Variants in NEXMIF observed in about 807,000 individuals in gnomAD.
NEXMIF encodes the protein XLMR protein related to neurite extension.
A neutral mutation model predicts 62.1 loss-of-function variants in NEXMIF; 8 were observed. The observed-to-expected ratio is 0.13, with a 90% CI of 0.08 to 0.23. NEXMIF has a LOEUF of 0.23. Among genes scored for constraint, NEXMIF ranks in the 10% least tolerant of loss-of-function variants. The probability of loss-of-function intolerance (pLI) is 1.00; values close to 1 mark genes in which losing one functional copy is unlikely to be tolerated. For synonymous variants in NEXMIF, 404 were observed against 416.6 expected (o/e 0.97, Z 0.37); for missense variants, 976 against 1,113.3 (o/e 0.88, Z 1.75).
chrX:74,747,903 C>T (rs2080130696), intron 1 of NEXMIF, among the ~76,000 whole-genome samples: 1 of 112,384 alleles, frequency 8.9e-6, no homozygotes, highest in South Asian at 3.7e-4. Flanking sequence ...GCATGAGCAA[C>T]TGTGTCTAGC....
intron 1 of NEXMIF, among the ~76,000 whole-genome samples, chrX:74,829,788 T>C (rs995970296): frequency 4.5e-5 from 5 of 111,976 alleles, no homozygotes; most frequent in African/African-American, 1.6e-4. Flanking sequence ...CCTTTGATCA[T>C]CTCTGATGAT....
chrX:74,904,557 T>C (rs1003616089), intron 1 of NEXMIF, among the ~76,000 whole-genome samples: 7 of 111,911 alleles, frequency 6.3e-5, no homozygotes, highest in Non-Finnish European at 1.3e-4. Flanking sequence ...ACAAAAGTTG[T>C]ACAAGAAAAA....
At chrX:74,815,370 C>A (rs1414643955) in intron 1 of NEXMIF, among the ~76,000 whole-genome samples, 1 of 111,324 alleles carries the variant, frequency 9.0e-6, no homozygotes, top group Non-Finnish European at 1.9e-5. Flanking sequence ...CAAGTCTTAT[C>A]TCTCTTGCAT....
chrX:74,787,225 G>C (rs2080263720), intron 1 of NEXMIF, among the ~76,000 whole-genome samples: 1 of 108,124 alleles, frequency 9.2e-6, no homozygotes, highest in African/African-American at 3.4e-5. Flanking sequence ...GGAGGTTGTG[G>C]TGAGCCAAGA....
At chrX:74,752,847 C>T (rs922224263) in intron 1 of NEXMIF, among the ~76,000 whole-genome samples, 6 of 111,802 alleles carry the variant, frequency 5.4e-5, no homozygotes, top group Non-Finnish European at 1.1e-4. Context: ...GAAAGAGTGA[C>T]AGAAGAGTAT....
chrX:74,752,767 T>C (rs1185049554), intron 1 of NEXMIF, among the ~76,000 whole-genome samples: 2 of 111,896 alleles, frequency 1.8e-5, no homozygotes, highest in Non-Finnish European at 3.8e-5. Context: ...CTGACACATC[T>C]GAGTCCCTTT....
chrX:74,918,786 T>C (rs2080816332), intron 1 of NEXMIF, among the ~76,000 whole-genome samples: 1 of 112,292 alleles, frequency 8.9e-6, no homozygotes. Flanking sequence ...TTTTTTTTCT[T>C]GTCTGCATTA....
intron 1 of NEXMIF, among the ~76,000 whole-genome samples, chrX:74,918,892 G>A (rs5981710): frequency 1.3e-3 from 150 of 112,283 alleles, no homozygotes; most frequent in African/African-American, 4.4e-3. Context: ...GATACTGGGA[G>A]GAATGAGAGG....
At chrX:74,881,778 A>T (rs1463564648) in intron 1 of NEXMIF, among the ~76,000 whole-genome samples, 1 of 100,453 alleles carries the variant, frequency 1.0e-5, no homozygotes, top group Non-Finnish European at 1.9e-5. Flanking sequence ...AAATTGCCAC[A>T]TTACAAAAAT....
intron 1 of NEXMIF, among the ~76,000 whole-genome samples, chrX:74,808,082 G>A (rs2080350285): frequency 9.0e-6 from 1 of 111,337 alleles, no homozygotes; most frequent in African/African-American, 3.3e-5. Flanking sequence ...TATTTCAAAT[G>A]TTGAACCAGC....
intron 1 of NEXMIF, among the ~76,000 whole-genome samples, chrX:74,897,058 C>T (rs1276305174): frequency 9.0e-6 from 1 of 110,792 alleles, no homozygotes; most frequent in Non-Finnish European, 1.9e-5. Context: ...TCAGACTTAC[C>T]TTTCATATCT....
chrX:74,799,652 A>G (rs2080323072), intron 1 of NEXMIF, among the ~76,000 whole-genome samples: 1 of 110,954 alleles, frequency 9.0e-6, no homozygotes, highest in African/African-American at 3.3e-5. Context: ...CTTTTTGGAG[A>G]CAGGGTCTTG....
intron 1 of NEXMIF, among the ~76,000 whole-genome samples, chrX:74,838,764 A>T (rs2080465006): frequency 8.9e-6 from 1 of 112,087 alleles, no homozygotes; most frequent in Non-Finnish European, 1.9e-5. Context: ...TACCATCCCC[A>T]GTTATAAGGA....
Position 74,833,015 on chromosome X carries a change from AGTT to A in NEXMIF, c.-47-87321_-47-87319del, listed in dbSNP as rs2080443470. The stretch of plus-strand genomic sequence containing the variant: ...ATTTTAATTTTTTGAATGCTTTAAG[AGTT>A]GTTTTGTGACCTAACATATGGTCTA... On this transcript the variant is annotated intron_variant, in intron 1 of 3. Coordinates refer to ENST00000055682, the MANE Select transcript of NEXMIF (RefSeq NM_001008537.3). Among the ~76,000 whole-genome samples the A allele has an allele frequency of 2.7e-5, 3 of 112,180 alleles. No individual in the cohort carries two copies. In the Admixed American group the frequency reaches 2.8e-4, roughly 11 times the overall value.
At chrX:74,827,155 C>T (rs2080421124) in intron 1 of NEXMIF, among the ~76,000 whole-genome samples, 1 of 112,491 alleles carries the variant, frequency 8.9e-6, no homozygotes. Context: ...CCTAAATGAC[C>T]CCCAAGCCTG....
At chrX:74,803,343 G>T (rs957271551) in intron 1 of NEXMIF, among the ~76,000 whole-genome samples, 3 of 111,614 alleles carry the variant, frequency 2.7e-5, no homozygotes, top group African/African-American at 9.8e-5. Flanking sequence ...GAGGTTAGGA[G>T]ATCGAGACCA....
At position 74,750,093 on chromosome X, in the gene NEXMIF, G is replaced by A. The variant is rs191730318; in HGVS notation, c.-47-4396C>T. 4.7e-3 allele frequency among the ~76,000 whole-genome samples: 525 copies of A among 111,346 alleles called. 4 individuals carry two copies. Among genetic ancestry groups the A allele is most frequent in the African/African-American group, 0.016 (501 of 30,615 alleles). ...ACCAGTGAAAGTGGGAGAGACAGAG[G>A]GGGGGAAGATAGGAAAAAATGTTCA... On this transcript the variant is annotated intron_variant, in intron 1 of 3. Transcript: ENST00000055682.
intron 1 of NEXMIF, among the ~76,000 whole-genome samples, chrX:74,883,358 A>T (rs6647558): frequency 0.14 from 16,037 of 110,766 alleles, 1,779 homozygotes; most frequent in East Asian, 0.9. Flanking sequence ...GAGCTAAAGA[A>T]GGAAGTTCGA....
At position 74,794,148 on chromosome X, in the gene NEXMIF, G is replaced by T. The variant is rs2080296777; in HGVS notation, c.-47-48451C>A. The stretch of plus-strand genomic sequence containing the variant: ...TTTGATGATGGTGATGTACAGATGG[G>T]TTTTTGGTTTGGATGTCCTTTCTGT... On this transcript the variant is annotated intron_variant, in intron 1 of 3. Transcript: ENST00000055682. Among the ~76,000 whole-genome samples, 3 of 109,484 alleles carry T rather than the reference G, an allele frequency of 2.7e-5. No homozygotes were observed. The Admixed American group carries it at 3.0e-4, about 11-fold the overall frequency.
Sources: allele counts gnomAD v4.1 joint callset (sites outside exome capture counted in the v4.1 genomes callset), GRCh38; gene constraint gnomAD v4.1.1; transcripts MANE v1.5; gene names NCBI Gene and HGNC (gene_info 2026-07-23, HGNC 2026-07-21).